Variants in RBM20 observed in about 807,000 individuals in gnomAD.
The protein encoded by RBM20 is RNA binding motif protein 20.
RBM20 carries 51 observed loss-of-function variants against 110.1 expected under a neutral mutation model. The observed-to-expected ratio is 0.46, with a 90% CI of 0.37 to 0.59. The LOEUF is 0.59. RBM20 is among the 20% of genes least tolerant of loss of function. The pLI is 0.00. For synonymous variants in RBM20, 589 were observed against 618.2 expected (o/e 0.95, Z 0.70); for missense variants, 1,512 against 1,574.9 (o/e 0.96, Z 0.68).
chr10:110,761,643 C>T (rs1024785859), intron 1 of RBM20, among the ~76,000 whole-genome samples: 4 of 152,196 alleles, frequency 2.6e-5, no homozygotes, highest in African/African-American at 9.6e-5. Context: ...CTGACTTTGT[C>T]CCCACACGTG....
Position 110,721,082 on chromosome 10 carries a change from A to G in RBM20, c.192-59719A>G, listed in dbSNP as rs376334090. On this transcript the variant is annotated intron_variant, in intron 1 of 13. Transcript: ENST00000369519. ...TGCAGGCACCTGCTCAGTTGCCGCC[A>G]CATGGAGAGGCCTTCCCTGGCCCTA... Among the ~76,000 whole-genome samples, 3 of 152,286 alleles carry G rather than the reference A, an allele frequency of 2.0e-5. No individual in the cohort carries two copies. The East Asian group carries it at 5.8e-4, about 29-fold the overall frequency.
chr10:110,770,188 A>AG (rs1314423261), intron 1 of RBM20, among the ~76,000 whole-genome samples: 1 of 152,026 alleles, frequency 6.6e-6, no homozygotes, highest in Non-Finnish European at 1.5e-5. Context: ...GGTGGTGGTG[A>AG]GGGGTGGGCC....
intron 1 of RBM20, among the ~76,000 whole-genome samples, chr10:110,682,098 G>A (rs1862431954): frequency 6.6e-6 from 1 of 152,032 alleles, no homozygotes; most frequent in Admixed American, 6.6e-5. Context: ...CACCATGCTG[G>A]CAAGGCTGAT....
At chr10:110,763,890 G>C (rs1430821435) in intron 1 of RBM20, among the ~76,000 whole-genome samples, 1 of 150,960 alleles carries the variant, frequency 6.6e-6, no homozygotes, top group African/African-American at 2.4e-5. Context: ...TGGTTGTCTT[G>C]AGCATTGTAG....
chr10:110,820,937 G>T (rs910557748), intron 10 of RBM20, among the ~76,000 whole-genome samples: 4 of 152,196 alleles, frequency 2.6e-5, no homozygotes, highest in Non-Finnish European at 5.9e-5. Flanking sequence ...TGACCCAGAT[G>T]CAAGAAAGAT....
At chr10:110,764,194 A>T (rs1255220374) in intron 1 of RBM20, among the ~76,000 whole-genome samples, 1 of 152,160 alleles carries the variant, frequency 6.6e-6, no homozygotes, top group Non-Finnish European at 1.5e-5. Flanking sequence ...TGTCTGATGT[A>T]GCTGGATTGC....
intron 1 of RBM20, among the ~76,000 whole-genome samples, chr10:110,750,088 G>C (rs1214359653): frequency 6.6e-6 from 1 of 152,210 alleles, no homozygotes; most frequent in Non-Finnish European, 1.5e-5. Context: ...ACAGAGTGAG[G>C]GGAGAGAATG....
intron 1 of RBM20, among the ~76,000 whole-genome samples, chr10:110,656,270 T>G (rs140966336): frequency 0.036 from 5,423 of 152,138 alleles, 287 homozygotes; most frequent in African/African-American, 0.12. Flanking sequence ...ATAGCGCCAT[T>G]GCACTCCAGC....
At position 110,646,232 on chromosome 10, in the gene RBM20, T is replaced by C. The variant is rs567960970; in HGVS notation, c.191+1587T>C. Among the ~76,000 whole-genome samples the C allele has an allele frequency of 2.0e-5, 3 of 152,362 alleles. No homozygotes were observed. The South Asian group carries it at 6.2e-4, about 32-fold the overall frequency. ...TTAAGTAGAAGAAAACTGGGAACTT[T>C]ATATTCACAGAAAAGTCTTTGTAGA... is the stretch of plus-strand genomic sequence containing the variant. On this transcript the variant is annotated intron_variant, in intron 1 of 13. Coordinates refer to ENST00000369519, the MANE Select transcript of RBM20 (RefSeq NM_001134363.3).
At chr10:110,685,209 A>G (rs1862485430) in intron 1 of RBM20, among the ~76,000 whole-genome samples, 1 of 152,196 alleles carries the variant, frequency 6.6e-6, no homozygotes, top group South Asian at 2.1e-4. Context: ...TGTCAAAAAG[A>G]AGTTATTTTG....
chr10:110,656,319 A>G (rs780836046), intron 1 of RBM20, among the ~76,000 whole-genome samples: 8 of 152,038 alleles, frequency 5.3e-5, no homozygotes, highest in Non-Finnish European at 7.4e-5. Context: ...GAAAAAAAAA[A>G]TTATCACCCC....
chr10:110,681,251 A>G (rs934643008), intron 1 of RBM20, among the ~76,000 whole-genome samples: 1 of 152,206 alleles, frequency 6.6e-6, no homozygotes, highest in Non-Finnish European at 1.5e-5. Flanking sequence ...GTCTCCTCGC[A>G]ATAGGGTCTG....
chr10:110,675,453 A>G (rs1474046701), intron 1 of RBM20, among the ~76,000 whole-genome samples: 1 of 152,186 alleles, frequency 6.6e-6, no homozygotes, highest in Admixed American at 6.5e-5. Context: ...GTAGTATCTT[A>G]TTTAATCCCC....
intron 1 of RBM20, among the ~76,000 whole-genome samples, chr10:110,695,395 C>A (rs1395344396): frequency 1.3e-5 from 2 of 152,208 alleles, no homozygotes; most frequent in African/African-American, 4.8e-5. Flanking sequence ...AAGGTGGCTC[C>A]TGCCTGGGAT....
At chr10:110,743,551 C>CAG (rs1176355612) in intron 1 of RBM20, among the ~76,000 whole-genome samples, 1 of 152,016 alleles carries the variant, frequency 6.6e-6, no homozygotes, top group Non-Finnish European at 1.5e-5. Context: ...TACACACACA[C>CAG]ACACACACAA....
chr10:110,823,451 T>TGTCTTTGTTTC (rs1844941957), intron 11 of RBM20, 29 bp from the exon 12 acceptor site: 1 of 1,042,260 alleles, frequency 9.6e-7, no homozygotes, highest in Non-Finnish European at 1.2e-6. Flanking sequence ...TTTTTTTTTT[T>TGTCTTTGTTTC]TTTTTTTGCC....
At chr10:110,777,157 C>T (rs1408304399) in intron 1 of RBM20, among the ~76,000 whole-genome samples, 3 of 152,196 alleles carry the variant, frequency 2.0e-5, no homozygotes, top group Non-Finnish European at 2.9e-5. Flanking sequence ...TTCTCCAAGA[C>T]ACACTCCTTT....
intron 13 of RBM20, among the ~76,000 whole-genome samples, chr10:110,834,945 C>T (rs1845104239): frequency 1.3e-5 from 2 of 152,198 alleles, no homozygotes; most frequent in African/African-American, 4.8e-5. Flanking sequence ...GTTCTGGGGT[C>T]ATGCAGAGGC....
At chr10:110,777,752 A>G (rs1207620861) in intron 1 of RBM20, among the ~76,000 whole-genome samples, 3 of 152,162 alleles carry the variant, frequency 2.0e-5, no homozygotes, top group African/African-American at 4.8e-5. Context: ...AATCTCTACT[A>G]AGAGCTCCCT....
Sources: allele counts gnomAD v4.1 joint callset (sites outside exome capture counted in the v4.1 genomes callset), GRCh38; gene constraint gnomAD v4.1.1; transcripts MANE v1.5; gene names NCBI Gene and HGNC (gene_info 2026-07-23, HGNC 2026-07-21).